Variants in LRRC3B observed in about 807,000 individuals in gnomAD.
The protein encoded by LRRC3B is leucine-rich repeat-containing protein 3B.
LRRC3B carries 2 observed loss-of-function variants against 12.8 expected under a neutral mutation model. The ratio of observed to expected loss-of-function variants is 0.16; its 90% CI spans 0.06 to 0.49. The LOEUF (loss-of-function observed/expected upper bound fraction) is 0.49. Among genes scored for constraint, LRRC3B ranks in the 20% least tolerant of loss-of-function variants. The pLI is 0.96. For synonymous variants in LRRC3B, 132 were observed against 122.0 expected (o/e 1.08, Z -0.54); for missense variants, 189 against 319.4 (o/e 0.59, Z 3.11).
chr3:26,690,974 T>C (rs1275885198), intron 1 of LRRC3B, among the ~76,000 whole-genome samples: 3 of 151,114 alleles, frequency 2.0e-5, no homozygotes, highest in Non-Finnish European at 4.4e-5. Context: ...GGCTTTTCCA[T>C]TCTGTCATTT....
intron 1 of LRRC3B, among the ~76,000 whole-genome samples, chr3:26,656,658 C>T (rs956619001): frequency 1.3e-5 from 2 of 152,122 alleles, no homozygotes; most frequent in African/African-American, 4.8e-5. Flanking sequence ...TTTAGAGAGA[C>T]CCGTATTAGG....
chr3:26,687,551 G>A (rs541252360), intron 1 of LRRC3B, among the ~76,000 whole-genome samples: 1 of 152,250 alleles, frequency 6.6e-6, no homozygotes, highest in East Asian at 1.9e-4. Flanking sequence ...GTTAGAGGGA[G>A]CTACCCCCAC....
intron 1 of LRRC3B, among the ~76,000 whole-genome samples, chr3:26,651,795 C>A (rs1172633559): frequency 6.6e-6 from 1 of 152,186 alleles, no homozygotes; most frequent in Non-Finnish European, 1.5e-5. Flanking sequence ...CCTCAACTTT[C>A]CTACCTGTCA....
intron 1 of LRRC3B, among the ~76,000 whole-genome samples, chr3:26,697,562 A>G (rs1667822255): frequency 6.6e-6 from 1 of 152,178 alleles, no homozygotes; most frequent in Admixed American, 6.5e-5. Flanking sequence ...TCCAGAGATC[A>G]GGACCTAAAT....
chr3:26,657,705 C>G (rs1183904703), intron 1 of LRRC3B, among the ~76,000 whole-genome samples: 1 of 152,036 alleles, frequency 6.6e-6, no homozygotes, highest in African/African-American at 2.4e-5. Flanking sequence ...TTAATTCCAG[C>G]CAAGGCGCTC....
At position 26,685,605 on chromosome 3, in the gene LRRC3B, A is replaced by G. The variant is rs1010818802; in HGVS notation, c.-160-23908A>G. Among the ~76,000 whole-genome samples, 11 of 123,626 alleles carry G rather than the reference A, an allele frequency of 8.9e-5. No homozygotes were observed. The South Asian group carries it at 1.5e-3, about 16-fold the overall frequency. The allele number at this position is 123,626 out of a possible 152,430, so 81.1% of individuals were successfully genotyped here. A position where few individuals can be genotyped will look rare whatever the true frequency, so the allele number is the denominator to read the frequency against. On this transcript the variant is annotated intron_variant, in intron 1 of 1. Coordinates refer to ENST00000396641, the Ensembl canonical transcript of LRRC3B. The stretch of plus-strand genomic sequence containing the variant: ...ATACAAGCTTCACTCATATATATAT[A>G]TGTGTGTGTGTATATATATATATAT...
At chr3:26,678,119 C>G (rs11129238) in intron 1 of LRRC3B, among the ~76,000 whole-genome samples, 75,355 of 151,878 alleles carry the variant, frequency 0.5, 21,785 homozygotes, top group African/African-American at 0.78. Context: ...GTCCAACCAA[C>G]ACTGGTATTT....
chr3:26,689,550 C>T (rs897958894), intron 1 of LRRC3B, among the ~76,000 whole-genome samples: 3 of 152,198 alleles, frequency 2.0e-5, no homozygotes, highest in Non-Finnish European at 2.9e-5. Flanking sequence ...ATGTGAGAAG[C>T]TTCCTCCTTT....
chr3:26,670,874 C>A (rs1699705530), intron 1 of LRRC3B, among the ~76,000 whole-genome samples: 1 of 152,104 alleles, frequency 6.6e-6, no homozygotes. Flanking sequence ...GTTTTATTAT[C>A]ATATACAAAG....
chr3:26,699,049 TTTTA>T (rs1213934692), intron 1 of LRRC3B, among the ~76,000 whole-genome samples: 2 of 152,140 alleles, frequency 1.3e-5, no homozygotes, highest in African/African-American at 4.8e-5. Flanking sequence ...TTTGTTTATT[TTTTA>T]TTTTTGTTTT....
chr3:26,661,277 G>T (rs1280719526), intron 1 of LRRC3B, among the ~76,000 whole-genome samples: 1 of 152,170 alleles, frequency 6.6e-6, no homozygotes, highest in Admixed American at 6.5e-5. Flanking sequence ...CAGAAATGAA[G>T]TCTGTAGGTA....
rs116287161 is a variant in LRRC3B at position 26,678,831 on chromosome 3, T to G, written c.-160-30682T>G. Among the ~76,000 whole-genome samples the G allele has an allele frequency of 6.6e-3, 1,008 of 152,230 alleles. 15 individuals carry two copies. The highest frequency in any genetic ancestry group is 0.023 in the African/African-American group (959 of 41,538). ...AATAAAGACTTTCTGGGAAGAAGAA[T>G]TATGAGTTGTTTCATAAGTGCTTTC... On this transcript the variant is annotated intron_variant, in intron 1 of 1. Transcript: ENST00000396641.
intron 1 of LRRC3B, among the ~76,000 whole-genome samples, chr3:26,683,395 C>T (rs1700010355): frequency 6.6e-6 from 1 of 151,576 alleles, no homozygotes; most frequent in South Asian, 2.1e-4. Context: ...GCAGTTGTAG[C>T]ATCATATTTC....
At chr3:26,659,183 G>A (rs1287384095) in intron 1 of LRRC3B, among the ~76,000 whole-genome samples, 1 of 152,162 alleles carries the variant, frequency 6.6e-6, no homozygotes, top group African/African-American at 2.4e-5. Flanking sequence ...ATCCTATGAA[G>A]TAGGTACTAT....
chr3:26,686,131 G>A (rs1303749629), intron 1 of LRRC3B, among the ~76,000 whole-genome samples: 1 of 151,958 alleles, frequency 6.6e-6, no homozygotes, highest in African/African-American at 2.4e-5. Flanking sequence ...CCAGGCGGGA[G>A]TGCAGTGGTG....
chr3:26,679,800 A>G (rs1043047531), intron 1 of LRRC3B, among the ~76,000 whole-genome samples: 1 of 152,194 alleles, frequency 6.6e-6, no homozygotes, highest in Admixed American at 6.5e-5. Context: ...CTCAACATCA[A>G]GAACAGTCCC....
At chr3:26,662,919 A>T (rs1699523123) in intron 1 of LRRC3B, among the ~76,000 whole-genome samples, 1 of 152,018 alleles carries the variant, frequency 6.6e-6, no homozygotes, top group Non-Finnish European at 1.5e-5. Flanking sequence ...CAAATGGAGG[A>T]TGAGGAAGGA....
upstream of LRRC3B, chr3:26,622,796 A>C (rs1698542811): frequency 6.6e-6 from 1 of 151,878 alleles, no homozygotes; most frequent in Admixed American, 6.6e-5. Context: ...TTTGGAGGCG[A>C]TTTCCCTCTA....
intron 1 of LRRC3B, among the ~76,000 whole-genome samples, chr3:26,702,561 C>T (rs991016737): frequency 1.3e-5 from 2 of 152,122 alleles, no homozygotes; most frequent in Non-Finnish European, 2.9e-5. Flanking sequence ...TTGTTGAATT[C>T]ATGTTTCTAT....
Sources: gnomAD v4.1 joint callset for allele counts (sites outside exome capture counted in the v4.1 genomes callset) on GRCh38, gnomAD v4.1.1 for gene constraint, MANE v1.5 for transcripts, NCBI Gene and HGNC (gene_info 2026-07-23, HGNC 2026-07-21) for gene names.